The following RNF215 variants were observed in gnomAD, a reference collection of about 807,000 sequenced individuals.
RNF215 encodes the protein ring finger protein 215.
A neutral mutation model predicts 44.8 loss-of-function variants in RNF215; 41 were observed. The ratio of observed to expected loss-of-function variants is 0.92; its 90% CI spans 0.71 to 1.19. RNF215 has a LOEUF of 1.19. Ranked by LOEUF, RNF215 falls within the 50% of genes most tolerant of loss-of-function variation. RNF215 has a pLI of 0.00. For synonymous variants in RNF215, 218 were observed against 230.1 expected (o/e 0.95, Z 0.48); for missense variants, 452 against 496.2 (o/e 0.91, Z 0.85).
intron 5 of RNF215, among the ~76,000 whole-genome samples, chr22:30,382,532 T>G (rs1337991588): frequency 1.3e-5 from 2 of 152,100 alleles, no homozygotes; most frequent in Non-Finnish European, 2.9e-5. Context: ...GACACTCCCC[T>G]GAGCCCCATG....
chr22:30,384,246 TG>T, intron 5 of RNF215, 92 bp downstream of exon 5: 1 of 1,346,398 alleles, frequency 7.4e-7, no homozygotes, highest in Non-Finnish European at 1.0e-6. Context: ...GTCACTAAGG[TG>T]GGGAGAAGCC....
Position 30,384,486 on chromosome 22 carries a change from C to T in RNF215, c.597G>A (p.Gln199=). ...CTCCGCTGGTGATCTCAGCCGTGGC[C>T]TGGGTCCTCCTGGGAGGGGAAGTCA... ...KLLDALLQRT[Q]ATAEITSGES... is the part of the protein sequence containing the mutation. The change falls in exon 5 of 9, where the codon CAG becomes CAA. Residue 199 remains glutamine, a synonymous_variant. Coordinates refer to ENST00000382363, the MANE Select transcript of RNF215 (RefSeq NM_001017981.2). 6.2e-7 allele frequency: 1 copy of T among 1,613,482 alleles called. No individual in the cohort carries two copies. Among genetic ancestry groups the T allele is most frequent in the East Asian group, 2.2e-5 (1 of 44,878 alleles).
chr22:30,382,678 C>G (rs1384455515), intron 5 of RNF215, among the ~76,000 whole-genome samples: 1 of 152,180 alleles, frequency 6.6e-6, no homozygotes, highest in Non-Finnish European at 1.5e-5. Flanking sequence ...AAGACCCAGC[C>G]TCCCCAGGCT....
chr22:30,383,395 C>T (rs909045481), intron 5 of RNF215, among the ~76,000 whole-genome samples: 1 of 152,132 alleles, frequency 6.6e-6, no homozygotes, highest in Non-Finnish European at 1.5e-5. Flanking sequence ...TGTGGGCCAC[C>T]CATGACAGGG....
At chr22:30,386,964 G>C (rs1250750754) in intron 1 of RNF215, 65 bp downstream of exon 1, 16 of 1,517,510 alleles carry the variant, frequency 1.1e-5, no homozygotes, top group Non-Finnish European at 1.3e-5. Context: ...TTCAGGGTGC[G>C]GGGTCTCTAG....
intron 1 of RNF215, 56 bp from the exon 2 acceptor site, chr22:30,386,815 C>T (rs1354430491): frequency 5.1e-6 from 8 of 1,566,002 alleles, no homozygotes; most frequent in Non-Finnish European, 6.9e-6. Flanking sequence ...GGGAGGGAGC[C>T]GGGGTCATCA....
In RNF215 at chr22:30,386,774, G is replaced by T; in HGVS notation, c.286-15C>A. ...ACGATGTCCATCTGTGTGGCAAGGG[G>T]CCATGAGCAGAGGGAGGTAGGGTGT... On this transcript the variant is annotated splice_polypyrimidine_tract_variant and intron_variant, in intron 1 of 8. Coordinates refer to ENST00000382363, the MANE Select transcript of RNF215 (RefSeq NM_001017981.2). 1 of 1,598,892 alleles carries T rather than the reference G, an allele frequency of 6.3e-7. No individual in the cohort carries two copies.
intron 5 of RNF215, among the ~76,000 whole-genome samples, chr22:30,381,879 G>A (rs1187810534): frequency 6.6e-6 from 1 of 152,192 alleles, no homozygotes; most frequent in African/African-American, 2.4e-5. Context: ...GTTCTAGGAA[G>A]CTGTCCCCAA....
At chr22:30,386,209 C>T (rs745992066) in intron 2 of RNF215, 68 bp from the exon 3 acceptor site, 143 of 1,434,392 alleles carry the variant, frequency 1.0e-4, no homozygotes, top group Non-Finnish European at 4.1e-5. Flanking sequence ...CCACCTGCAG[C>T]CCTAGCTGCT....
intron 4 of RNF215, 110 bp downstream of exon 4, chr22:30,385,794 A>C: frequency 1.0e-6 from 1 of 966,158 alleles, no homozygotes; most frequent in Non-Finnish European, 1.6e-6. Flanking sequence ...TCAAAAAAAA[A>C]AAAAAAGGCT....
At chr22:30,385,820 G>T in intron 4 of RNF215, 84 bp downstream of exon 4, 2 of 1,243,518 alleles carry the variant, frequency 1.6e-6, no homozygotes, top group Non-Finnish European at 2.3e-6. Context: ...GTAAGGCCCT[G>T]GTCCCAAGCC....
At position 30,387,095 on chromosome 22, in the gene RNF215, G is replaced by A. The variant is rs1383287569; in HGVS notation, c.219C>T (p.Val73=). ...CGGAGCCGATCCTGACGCCCTCCAGGACCAGAGCGTCCTGGCGCGGCAGTC... is the reference window on the plus strand; with the variant it reads ...CGGAGCCGATCCTGACGCCCTCCAGAACCAGAGCGTCCTGGCGCGGCAGTC... ...DVRLPRQDAL[V]LEGVRIGSEA... is the part of the protein sequence containing the mutation. The change falls in exon 1 of 9, where the codon GTC becomes GTT. Residue 73 remains valine (V), a synonymous_variant. Transcript: ENST00000382363. 3.3e-6 allele frequency: 5 copies of A among 1,530,684 alleles called. No homozygotes were observed. The South Asian group carries it at 6.0e-5, about 18-fold the overall frequency. 94.8% of individuals were successfully genotyped at this position (1,530,684 alleles called of 1,614,324 possible).
chr22:30,381,172 C>G (rs949209658), intron 5 of RNF215, among the ~76,000 whole-genome samples: 1 of 152,194 alleles, frequency 6.6e-6, no homozygotes, highest in Admixed American at 6.5e-5. Flanking sequence ...ATGCGCCCCC[C>G]TAACCTCCCG....
At chr22:30,386,325 C>T (rs893346823) in intron 2 of RNF215, among the ~76,000 whole-genome samples, 184 bp from the exon 3 acceptor site, 2 of 152,178 alleles carry the variant, frequency 1.3e-5, no homozygotes, top group African/African-American at 4.8e-5. Context: ...CTTCCAGATG[C>T]GCTGTGCCTT....
At chr22:30,385,847 G>C in intron 4 of RNF215, 57 bp downstream of exon 4, 2 of 1,522,198 alleles carry the variant, frequency 1.3e-6, no homozygotes, top group Non-Finnish European at 1.8e-6. Context: ...GTCCATGGGA[G>C]AACCAGGGGC....
chr22:30,387,072 G>T lies in RNF215; in HGVS notation c.242C>A (p.Ser81Tyr). Residue 81 changes from serine to tyrosine, a missense_variant, in exon 1 of 9, where the codon TCC becomes TAC. Coordinates refer to ENST00000382363, the MANE Select transcript of RNF215 (RefSeq NM_001017981.2). ...CAGCAGGGGCGCCGGGTCGGCTTCG[G>T]AGCCGATCCTGACGCCCTCCAGGAC... is the stretch of plus-strand genomic sequence containing the variant. ...ALVLEGVRIG[S>Y]EADPAPLLGG... The T allele has an allele frequency of 6.5e-7, 1 of 1,542,084 alleles. No individual in the cohort carries two copies. Among genetic ancestry groups the T allele is most frequent in the Non-Finnish European group, 8.7e-7 (1 of 1,149,876 alleles).
intron 4 of RNF215, 92 bp from the exon 5 acceptor site, chr22:30,384,587 T>C (rs1933570731): frequency 2.6e-6 from 3 of 1,159,566 alleles, no homozygotes; most frequent in South Asian, 3.0e-5. Flanking sequence ...AAAGGATACC[T>C]ACGACTGTCG....
chr22:30,380,224 C>A lies in RNF215; in HGVS notation c.865-19G>T. On this transcript the variant is annotated intron_variant, in intron 6 of 8. Transcript: ENST00000382363. This position sits in a 1 kb window ranked among gnomAD's most constrained non-coding sequence, Gnocchi z 5.3. Reference sequence around the variant, plus strand: ...GGTCCACCTGTGGGGAGAGGACGGGCACAGTCTTGCAGGTCCAAGGGCTGA... The same window carrying A: ...GGTCCACCTGTGGGGAGAGGACGGGAACAGTCTTGCAGGTCCAAGGGCTGA... 6.2e-7 allele frequency: 1 copy of A among 1,612,910 alleles called. No homozygotes were observed. Among genetic ancestry groups the A allele is most frequent in the East Asian group, 2.2e-5 (1 of 44,846 alleles).
Position 30,380,070 on chromosome 22 carries a change from T to TG in RNF215, c.999dup (p.Asn334GlnfsTer11), listed in dbSNP as rs1933503409. On this transcript the variant is annotated frameshift_variant, in exon 7 of 9. Coordinates refer to ENST00000382363, the MANE Select transcript of RNF215 (RefSeq NM_001017981.2). LOFTEE classifies it high-confidence loss of function. This position sits in a 1 kb window ranked among gnomAD's most constrained non-coding sequence, Gnocchi z 5.3. ...CTACCCGGGGCACTAGCCTGTTTGT[T>TG]GCAGAAGTAGTCCAGGCACACCGCA... is the stretch of plus-strand genomic sequence containing the variant. 16 of 1,613,840 alleles carry TG rather than the reference T, an allele frequency of 9.9e-6. No homozygotes were observed. The highest frequency in any genetic ancestry group is 1.4e-5 in the Non-Finnish European group (16 of 1,179,908).
Sources: gnomAD v4.1 joint callset for allele counts (sites outside exome capture counted in the v4.1 genomes callset) on GRCh38, gnomAD v4.1.1 for gene constraint, Gnocchi (gnomAD v3.1) non-coding constraint, MANE v1.5 for transcripts, NCBI Gene and HGNC (gene_info 2026-07-23, HGNC 2026-07-21) for gene names.